The following CLUH variants were observed in gnomAD, a reference collection of about 807,000 sequenced individuals.
CLUH encodes the protein clustered mitochondria protein homolog.
A neutral mutation model predicts 139.3 loss-of-function variants in CLUH; 77 were observed. That is an observed-to-expected ratio of 0.55 (90% CI 0.46 to 0.67). The LOEUF is 0.67. CLUH is among the 30% of genes least tolerant of loss of function. The probability of loss-of-function intolerance (pLI) is 0.00; values close to 1 mark genes in which losing one functional copy is unlikely to be tolerated. For synonymous variants in CLUH, 999 were observed against 801.6 expected, an observed-to-expected ratio of 1.25 and a Z score of -4.16; for missense variants, 1,876 against 1,875.8, an observed-to-expected ratio of 1.00 and a Z score of 0.00.
chr17:2,694,676 C>T (rs1248404408), intron 16 of CLUH, 112 bp from the exon 17 acceptor site: 49 of 1,327,358 alleles, frequency 3.7e-5, no homozygotes, highest in Middle Eastern at 2.6e-4. Context: ...CTGCCCCACC[C>T]GGCCCCCGGG....
At position 2,697,879 on chromosome 17, in the gene CLUH, G is replaced by GCC. The variant is rs2070020643; in HGVS notation, c.1961+16_1961+17insGG. On this transcript the variant is annotated intron_variant, in intron 10 of 25. Transcript: ENST00000651024. ...TGCAGCTGGCCCCGGCCCTGGTCCG[G>GCC]CAGGGCCGCCCCTCACCTGTGCTCC... is the stretch of plus-strand genomic sequence containing the variant. The GCC allele has an allele frequency of 6.8e-7, 1 of 1,460,846 alleles. No homozygotes were observed. Among genetic ancestry groups the GCC allele is most frequent in the Admixed American group, 2.4e-5 (1 of 40,910 alleles). 90.5% of individuals were successfully genotyped at this position (1,460,846 alleles called of 1,614,324 possible). A position where few individuals can be genotyped will look rare whatever the true frequency, so the allele number is the denominator to read the frequency against.
rs936098864 is a variant in CLUH at position 2,696,055 on chromosome 17, A to C, written c.2391+104T>G. 2.6e-5 allele frequency: 24 copies of C among 931,568 alleles called. No individual in the cohort carries two copies. In the African/African-American group the frequency reaches 3.3e-4, roughly 13 times the overall value. The allele number at this position is 931,568 out of a possible 1,614,324, so 57.7% of individuals were successfully genotyped here. ...ATGCCCACTCAGGGAAAGCTGAAAA[A>C]GTCACTCCTGCGAGCCTGTGTTCAT... is the stretch of plus-strand genomic sequence containing the variant. On this transcript the variant is annotated intron_variant, in intron 13 of 25. Coordinates refer to ENST00000651024, the MANE Select transcript of CLUH (RefSeq NM_001366661.1).
At position 2,697,914 on chromosome 17, in the gene CLUH, T is replaced by C; in HGVS notation, c.1943A>G (p.Asp648Gly). The stretch of plus-strand genomic sequence containing the variant: ...CCCTCACCTGTGCTCCACGAAGGCG[T>C]CCACCAGCTCCTGGCGCAGGCAGCA... ...KLCCLRQELV[D>G]AFVEHRYLLF... is the part of the protein sequence containing the mutation. The change falls in exon 10 of 26, where the codon GAC becomes GGC. Residue 648 changes from aspartate (D) to glycine (G), a missense_variant. Coordinates refer to ENST00000651024, the MANE Select transcript of CLUH (RefSeq NM_001366661.1). The C allele has an allele frequency of 6.6e-7, 1 of 1,519,548 alleles. No individual in the cohort carries two copies. Among genetic ancestry groups the C allele is most frequent in the South Asian group, 1.2e-5 (1 of 80,446 alleles). The allele number at this position is 1,519,548 out of a possible 1,614,324, so 94.1% of individuals were successfully genotyped here. A position where few individuals can be genotyped will look rare whatever the true frequency, so the allele number is the denominator to read the frequency against.
At position 2,691,923 on chromosome 17, in the gene CLUH, CCCCCCGTGCCCCCGCG is replaced by C. The variant is rs1567575290; in HGVS notation, c.3655-44_3655-29del. On this transcript the variant is annotated intron_variant, in intron 23 of 25. Coordinates refer to ENST00000651024, the MANE Select transcript of CLUH (RefSeq NM_001366661.1). ...GCGGGGAGGCGGGAAGGGATCAGGC[CCCCCCGTGCCCCCGCG>C]GCCCCGCCCCCGCCCCGCCACGCCC... The C allele has an allele frequency of 1.8e-5, 24 of 1,311,402 alleles. No individual in the cohort carries two copies. In the South Asian group the frequency reaches 3.2e-4, roughly 17 times the overall value. The allele number at this position is 1,311,402 out of a possible 1,614,324, so 81.2% of individuals were successfully genotyped here.
intron 1 of CLUH, among the ~76,000 whole-genome samples, chr17:2,705,997 C>T (rs573524102): frequency 1.3e-5 from 2 of 150,822 alleles, no homozygotes; most frequent in Non-Finnish European, 2.9e-5. Flanking sequence ...ATGGGCCAGG[C>T]TCACCTGCCT....
Position 2,696,672 on chromosome 17 carries a change from G to A in CLUH, c.2185+47C>T, listed in dbSNP as rs774800063. 5 of 1,599,786 alleles carry A rather than the reference G, an allele frequency of 3.1e-6. No homozygotes were observed. In the South Asian group the frequency reaches 4.5e-5, roughly 14 times the overall value. Reference sequence around the variant, plus strand: ...CCAGGTGGGGGTCATAAGCCACCCTGGCAGGGCCAGCCCGGGCTCTCTCCC... The same window carrying A: ...CCAGGTGGGGGTCATAAGCCACCCTAGCAGGGCCAGCCCGGGCTCTCTCCC... On this transcript the variant is annotated intron_variant, in intron 11 of 25. Coordinates refer to ENST00000651024, the MANE Select transcript of CLUH (RefSeq NM_001366661.1).
At chr17:2,695,807 G>A in intron 13 of CLUH, 3 of 582,626 alleles carry the variant, frequency 5.1e-6, no homozygotes, top group Non-Finnish European at 9.1e-6. Flanking sequence ...AGGCTTGGAG[G>A]CCACGGTGTT....
rs977385117 is a variant in CLUH, at chr17:2,705,000, G to A, written c.101-436C>T. 2.0e-5 allele frequency among the ~76,000 whole-genome samples: 3 copies of A among 152,122 alleles called. No homozygotes were observed. The highest frequency in any genetic ancestry group is 1.9e-4 in the East Asian group (1 of 5,158). On this transcript the variant is annotated intron_variant, in intron 1 of 25. Transcript: ENST00000651024. This position sits in a 1 kb window ranked among gnomAD's most constrained non-coding sequence, Gnocchi z 5.7. ...CCTGAGCTGTGGTCCTGGGCTGCAG[G>A]GGGGCTGCAGGGGAGTGCCTAGGCC...
chr17:2,698,686 G>C lies in CLUH; in HGVS notation c.1267-96C>G, dbSNP rs921098755. 9 of 1,180,810 alleles carry C rather than the reference G, an allele frequency of 7.6e-6. No individual in the cohort carries two copies. In the African/African-American group the frequency reaches 1.1e-4, roughly 14 times the overall value. 73.1% of individuals were successfully genotyped at this position (1,180,810 alleles called of 1,614,324 possible). On this transcript the variant is annotated intron_variant, in intron 9 of 25. Coordinates refer to ENST00000651024, the MANE Select transcript of CLUH (RefSeq NM_001366661.1). Reference sequence around the variant, plus strand: ...ACGCACCTAGACCGCGGAGGCAACCGGGCCTGCCTTGGAAACCCAAGGACC... The same window carrying C: ...ACGCACCTAGACCGCGGAGGCAACCCGGCCTGCCTTGGAAACCCAAGGACC...
chr17:2,694,119 A>G lies in CLUH; in HGVS notation c.3091+4T>C. ...CCTCCACCCAGCCCCACCTGGCCAC[A>G]CACCCTGCTGCACTTTGGCCTGCCC... On this transcript the variant is annotated splice_donor_region_variant and intron_variant, in intron 18 of 25. Coordinates refer to ENST00000651024, the MANE Select transcript of CLUH (RefSeq NM_001366661.1). 1 of 1,613,756 alleles carries G rather than the reference A, an allele frequency of 6.2e-7. No individual in the cohort carries two copies. The highest frequency in any genetic ancestry group is 8.5e-7 in the Non-Finnish European group (1 of 1,179,810).
intron 16 of CLUH, 35 bp from the exon 17 acceptor site, chr17:2,694,599 C>A: frequency 6.5e-7 from 1 of 1,528,368 alleles, no homozygotes. Context: ...GCAGCCCAAG[C>A]ACCGCCGGGC....
intron 22 of CLUH, 123 bp downstream of exon 22, chr17:2,692,237 AG>A: frequency 2.1e-6 from 3 of 1,431,498 alleles, no homozygotes; most frequent in Non-Finnish European, 1.9e-6. Flanking sequence ...CTCAGGGAAG[AG>A]GGGGAGGTCG....
At chr17:2,691,951 G>GCCCCGCCCCCGCCCCCGCCCCCGC (rs1555529431) in intron 23 of CLUH, 53 bp downstream of exon 23, 1 of 1,084,846 alleles carries the variant, frequency 9.2e-7, no homozygotes, top group Admixed American at 3.8e-5. Context: ...CCCCGCCCCC[G>GCCCCGCCCCCGCCCCCGCCCCCGC]CCCCGCCACG....
intron 10 of CLUH, among the ~76,000 whole-genome samples, chr17:2,697,677 T>C (rs918265518): frequency 6.6e-6 from 1 of 152,184 alleles, no homozygotes; most frequent in Admixed American, 6.5e-5. Context: ...CACAGCCACA[T>C]TACCCGCCTG....
At position 2,696,431 on chromosome 17, in the gene CLUH, T is replaced by C; in HGVS notation, c.2290+3A>G. 6.3e-7 allele frequency: 1 copy of C among 1,581,522 alleles called. No individual in the cohort carries two copies. The highest frequency in any genetic ancestry group is 8.6e-7 in the Non-Finnish European group (1 of 1,165,224). On this transcript the variant is annotated splice_donor_region_variant and intron_variant, in intron 12 of 25. Coordinates refer to ENST00000651024, the MANE Select transcript of CLUH (RefSeq NM_001366661.1). ...CCTGCGCTGGCCGGCCCCCACCACC[T>C]GCCTGGTGAGAAGATGTCAGGATTG...
chr17:2,701,137 T>C lies in CLUH; in HGVS notation c.1025+3A>G. 6.2e-7 allele frequency: 1 copy of C among 1,613,886 alleles called. No homozygotes were observed. Among genetic ancestry groups the C allele is most frequent in the Non-Finnish European group, 8.5e-7 (1 of 1,179,866 alleles). ...ACAAGGCGGGAGGGGACAAAGGCAC[T>C]ACCTTTTCTTCTGCAGCACAGCGAA... On this transcript the variant is annotated splice_donor_region_variant and intron_variant, in intron 7 of 25. Coordinates refer to ENST00000651024, the MANE Select transcript of CLUH (RefSeq NM_001366661.1).
intron 19 of CLUH, 111 bp from the exon 20 acceptor site, chr17:2,692,971 T>C (rs1050493750): frequency 8.4e-6 from 9 of 1,072,646 alleles, no homozygotes; most frequent in Non-Finnish European, 9.1e-6. Flanking sequence ...TCCTGTCCCC[T>C]CCGGCTGCGC....
At chr17:2,697,734 C>T (rs781196891) in intron 10 of CLUH, among the ~76,000 whole-genome samples, 162 bp downstream of exon 10, 13 of 152,232 alleles carry the variant, frequency 8.5e-5, no homozygotes, top group African/African-American at 1.2e-4. Flanking sequence ...GGGAGCCTGA[C>T]AGCAGGGCAG....
intron 1 of CLUH, among the ~76,000 whole-genome samples, chr17:2,705,279 C>T (rs2070319459): frequency 6.6e-6 from 1 of 152,266 alleles, no homozygotes; most frequent in South Asian, 2.1e-4. Flanking sequence ...GACCCGGCCT[C>T]TGCAGCCACT....
Sources: gnomAD v4.1 joint callset for allele counts (sites outside exome capture counted in the v4.1 genomes callset) on GRCh38, gnomAD v4.1.1 for gene constraint, Gnocchi (gnomAD v3.1) non-coding constraint, MANE v1.5 for transcripts, NCBI Gene and HGNC (gene_info 2026-07-23, HGNC 2026-07-21) for gene names.